XKR9: variants seen among roughly 807,000 people sequenced by gnomAD.
XKR9 encodes the protein XK-related protein 9.
A neutral mutation model predicts 32.0 loss-of-function variants in XKR9; 32 were observed. The ratio of observed to expected loss-of-function variants is 1.00; its 90% CI spans 0.76 to 1.34. The LOEUF is 1.34. Ranked by LOEUF, XKR9 falls within the 40% of genes most tolerant of loss-of-function variation. The pLI is 0.00. For synonymous variants in XKR9, 168 were observed against 143.4 expected, an observed-to-expected ratio of 1.17 and a Z score of -1.22; for missense variants, 546 against 429.7, an observed-to-expected ratio of 1.27 and a Z score of -2.39.
the XKR9 span, among the ~76,000 whole-genome samples, chr8:70,898,228 T>A: frequency 1.3e-5 from 2 of 152,222 alleles, no homozygotes; most frequent in Admixed American, 6.5e-5. Context: ...CTGTAACTGT[T>A]AAATGTATGG....
chr8:70,744,755 A>G (rs542981104), intron 2 of XKR9, among the ~76,000 whole-genome samples: 1 of 150,806 alleles, frequency 6.6e-6, no homozygotes, highest in South Asian at 2.1e-4. Flanking sequence ...ACAGGTGTGC[A>G]CCACCACGCC....
At chr8:70,859,633 A>G in the XKR9 span, among the ~76,000 whole-genome samples, 4 of 152,302 alleles carry the variant, frequency 2.6e-5, no homozygotes, top group African/African-American at 9.6e-5. Context: ...TGGTATATAT[A>G]CACAATGGAA....
the XKR9 span, among the ~76,000 whole-genome samples, chr8:70,845,448 A>G: frequency 6.6e-6 from 1 of 152,234 alleles, no homozygotes; most frequent in Non-Finnish European, 1.5e-5. Flanking sequence ...AACAAAAAAG[A>G]AATTTATAAA....
chr8:70,987,927 AC>A, the XKR9 span, among the ~76,000 whole-genome samples: 1 of 152,078 alleles, frequency 6.6e-6, no homozygotes, highest in Non-Finnish European at 1.5e-5. Flanking sequence ...CAGTCTCAAC[AC>A]CACATGGAAG....
At chr8:70,983,922 G>A in the XKR9 span, among the ~76,000 whole-genome samples, 1 of 152,162 alleles carries the variant, frequency 6.6e-6, no homozygotes, top group Admixed American at 6.5e-5. Context: ...TAGGCCACAT[G>A]GCTATGGCCA....
chr8:70,975,691 G>T, the XKR9 span, among the ~76,000 whole-genome samples: 1 of 152,172 alleles, frequency 6.6e-6, no homozygotes, highest in East Asian at 1.9e-4. Flanking sequence ...CTCTAGCTTT[G>T]TCCTTTTTGC....
the XKR9 span, among the ~76,000 whole-genome samples, chr8:70,870,706 T>C: frequency 6.6e-6 from 1 of 152,210 alleles, no homozygotes; most frequent in Non-Finnish European, 1.5e-5. Flanking sequence ...TGAATGACTA[T>C]AGAATAATCC....
the XKR9 span, among the ~76,000 whole-genome samples, chr8:71,062,550 A>G: frequency 1.3e-5 from 2 of 152,150 alleles, no homozygotes; most frequent in African/African-American, 4.8e-5. Context: ...AGACACAAAC[A>G]TTCAGTCCCT....
chr8:70,800,396 T>C, the XKR9 span, among the ~76,000 whole-genome samples: 1 of 151,946 alleles, frequency 6.6e-6, no homozygotes, highest in African/African-American at 2.4e-5. Flanking sequence ...TAGGGAGGAG[T>C]TGCTTTACCT....
chr8:70,851,968 A>G, the XKR9 span, among the ~76,000 whole-genome samples: 1 of 152,256 alleles, frequency 6.6e-6, no homozygotes, highest in Non-Finnish European at 1.5e-5. Context: ...CTGCACAGCA[A>G]AAGAAACTAT....
chr8:71,021,520 T>G, the XKR9 span, among the ~76,000 whole-genome samples: 1 of 102,706 alleles, frequency 9.7e-6, no homozygotes, highest in Admixed American at 9.6e-5. Flanking sequence ...TTTTTTTTTT[T>G]GAGACGGAGT....
At chr8:70,785,834 ATATT>A (rs1451390805) in intron 2 of XKR9, among the ~76,000 whole-genome samples, 2 of 149,238 alleles carry the variant, frequency 1.3e-5, no homozygotes, top group African/African-American at 4.9e-5. Flanking sequence ...ATATTTATCT[ATATT>A]TATATATTTT....
At chr8:70,675,261 A>C (rs1206029145) in intron 2 of XKR9, among the ~76,000 whole-genome samples, 1 of 152,190 alleles carries the variant, frequency 6.6e-6, no homozygotes, top group African/African-American at 2.4e-5. Flanking sequence ...CCCCGTCTCT[A>C]CTAAAAATAC....
the XKR9 span, among the ~76,000 whole-genome samples, chr8:70,829,366 G>A: frequency 6.6e-6 from 1 of 152,196 alleles, no homozygotes; most frequent in African/African-American, 2.4e-5. Flanking sequence ...GAGGTTTTCA[G>A]GACTTATCTC....
intron 2 of XKR9, among the ~76,000 whole-genome samples, chr8:70,776,926 T>TCC (rs1563477175): frequency 5.1e-5 from 2 of 39,548 alleles, no homozygotes; most frequent in East Asian, 1.0e-3. Context: ...TCTTTCTTTC[T>TCC]CTCTCTCTCT....
the XKR9 span, among the ~76,000 whole-genome samples, chr8:71,031,691 A>C: frequency 6.6e-6 from 1 of 152,230 alleles, no homozygotes. Context: ...TGGCACCTGA[A>C]TTGCTTTCAC....
the XKR9 span, among the ~76,000 whole-genome samples, chr8:70,983,741 A>G: frequency 6.6e-6 from 1 of 152,110 alleles, no homozygotes; most frequent in East Asian, 1.9e-4. Flanking sequence ...AGATCGCACC[A>G]TCGCAATCTG....
At chr8:70,721,381 T>A (rs1806276778) in intron 4 of XKR9, among the ~76,000 whole-genome samples, 1 of 152,204 alleles carries the variant, frequency 6.6e-6, no homozygotes, top group Middle Eastern at 3.2e-3. Flanking sequence ...CTAGTTCTTT[T>A]AATTGTGATA....
the XKR9 span, among the ~76,000 whole-genome samples, chr8:70,822,487 A>T: frequency 6.6e-6 from 1 of 151,936 alleles, no homozygotes; most frequent in African/African-American, 2.4e-5. Flanking sequence ...ATTTCCTAAA[A>T]GTATTACTCT....
Sources: gnomAD v4.1 joint callset for allele counts (sites outside exome capture counted in the v4.1 genomes callset) on GRCh38, gnomAD v4.1.1 for gene constraint, MANE v1.5 for transcripts, NCBI Gene and HGNC (gene_info 2026-07-23, HGNC 2026-07-21) for gene names.